The following IFIH1 variants were observed in gnomAD, a reference collection of about 807,000 sequenced individuals.
IFIH1 encodes the protein interferon induced with helicase C domain 1.
In IFIH1, 125 loss-of-function variants were observed where a neutral mutation model predicts 107.4. The ratio of observed to expected loss-of-function variants is 1.16; its 90% confidence interval spans 1.01 to 1.35. IFIH1 has a LOEUF of 1.35. IFIH1 is among the 40% of genes most tolerant of loss of function. The probability of loss-of-function intolerance (pLI) is 0.00; values close to 1 mark genes in which losing one functional copy is unlikely to be tolerated. For synonymous variants in IFIH1, 458 were observed against 413.2 expected (o/e 1.11, Z -1.31); for missense variants, 1,333 against 1,213.7 (o/e 1.10, Z -1.46).
At chr2:162,274,962 C>G (rs80139450) in intron 11 of IFIH1, among the ~76,000 whole-genome samples, 1,603 of 152,356 alleles carry the variant, frequency 0.011, 19 homozygotes, top group South Asian at 0.019. Context: ...AGAAAGGCCT[C>G]TCTTGAGTCT....
chr2:162,273,018 C>T (rs949520780), intron 12 of IFIH1, among the ~76,000 whole-genome samples: 1 of 152,182 alleles, frequency 6.6e-6, no homozygotes, highest in African/African-American at 2.4e-5. Context: ...CTAAGCTTAT[C>T]ACTGACTTAC....
At chr2:162,289,924 A>C (rs1682967125) in intron 4 of IFIH1, among the ~76,000 whole-genome samples, 1 of 151,968 alleles carries the variant, frequency 6.6e-6, no homozygotes, top group Non-Finnish European at 1.5e-5. Flanking sequence ...TATTATATTT[A>C]TGTAAGGCTC....
chr2:162,272,373 G>A lies in IFIH1; in HGVS notation c.2469C>T (p.Ala823=), dbSNP rs13418718. 0.017 allele frequency: 27,889 copies of A among 1,612,536 alleles called. 4,241 individuals carry two copies. The African/African-American group carries it at 0.33, about 19-fold the overall frequency. Residue 823 remains alanine (A), a synonymous_variant, in exon 13 of 16, where the codon GCC becomes GCT. Transcript: ENST00000649979. Reference sequence around the variant, plus strand: ...GGACGTAGGTGCTCTCATCAGCTCTGGCTCGACCACGGGCCTGAAAACACA... The same window carrying A: ...GGACGTAGGTGCTCTCATCAGCTCTAGCTCGACCACGGGCCTGAAAACACA... ...EIAMVQARGR[A]RADESTYVLV...
At position 162,267,279 on chromosome 2, in the gene IFIH1, T is replaced by C. The variant is rs1456406638; in HGVS notation, c.2999A>G (p.Tyr1000Cys). The C allele has an allele frequency of 6.2e-7, 1 of 1,612,108 alleles. No individual in the cohort carries two copies. Among genetic ancestry groups the C allele is most frequent in the Admixed American group, 1.7e-5 (1 of 59,692 alleles). ...GATAGGTAATTCTACCCACTTTTTG[T>C]ATTGTTTCTTTGTTGAATTATTTTT... ...VFKNNSTKKQ[Y>C]KKWVELPITF... is the part of the protein sequence containing the mutation. Residue 1000 changes from tyrosine to cysteine, a missense_variant, in exon 16 of 16, where the codon TAC becomes TGC. By Grantham distance (194) the Tyr-to-Cys change is radical. Transcript: ENST00000649979.
chr2:162,313,391 AATGG>A (rs1317280717), intron 1 of IFIH1, among the ~76,000 whole-genome samples: 12 of 152,204 alleles, frequency 7.9e-5, no homozygotes, highest in South Asian at 2.1e-4. Flanking sequence ...TGAAGTTAAA[AATGG>A]ATGGATGTTT....
At chr2:162,305,694 C>A (rs1206540194) in intron 3 of IFIH1, among the ~76,000 whole-genome samples, 1 of 152,200 alleles carries the variant, frequency 6.6e-6, no homozygotes, top group Non-Finnish European at 1.5e-5. Flanking sequence ...CAGGAATTTT[C>A]TGAGTTTTTA....
At position 162,291,416 on chromosome 2, in the gene IFIH1, T is replaced by C. The variant is rs180808196; in HGVS notation, c.874+2148A>G. Reference sequence around the variant, plus strand: ...ATCTTGAAATAGTAAGGAAACACTTTCTACATATCAGGCCAATATGTATTG... The same window carrying C: ...ATCTTGAAATAGTAAGGAAACACTTCCTACATATCAGGCCAATATGTATTG... On this transcript the variant is annotated intron_variant, in intron 4 of 15. Transcript: ENST00000649979. Among the ~76,000 whole-genome samples, 31 of 151,858 alleles carry C rather than the reference T, an allele frequency of 2.0e-4. No homozygotes were observed. In the East Asian group the frequency reaches 4.7e-3, roughly 23 times the overall value.
intron 3 of IFIH1, among the ~76,000 whole-genome samples, chr2:162,297,191 T>C (rs1329138231): frequency 6.6e-6 from 1 of 152,070 alleles, no homozygotes; most frequent in African/African-American, 2.4e-5. Flanking sequence ...CAAGAAAGTG[T>C]TTGCGTGAAG....
At chr2:162,278,919 GTC>G (rs1015859313) in intron 8 of IFIH1, among the ~76,000 whole-genome samples, 20 of 152,172 alleles carry the variant, frequency 1.3e-4, no homozygotes, top group Non-Finnish European at 2.2e-4. Context: ...GCAGTGTGCT[GTC>G]TCTTGATTTG....
intron 3 of IFIH1, among the ~76,000 whole-genome samples, chr2:162,296,471 G>A (rs1466592584): frequency 6.6e-6 from 1 of 152,076 alleles, no homozygotes; most frequent in East Asian, 1.9e-4. Context: ...GCGCTGAGAG[G>A]TTAACTGATA....
rs759430873 is a variant in IFIH1, at chr2:162,276,691, GT to G, written c.2299del (p.Thr767HisfsTer17). 55 of 1,609,384 alleles carry G rather than the reference GT, an allele frequency of 3.4e-5. No homozygotes were observed. Among genetic ancestry groups the G allele is most frequent in the Admixed American group, 2.4e-4 (14 of 58,864 alleles). The stretch of plus-strand genomic sequence containing the variant: ...CGTCCAAAAGGATATTTATACCTGT[GT>G]CATGGGTTTGAACTCACTGCTGTGT... ...AGHSSEFKPM[T>X]QNEQKEVISK... is the part of the protein sequence containing the mutation. On this transcript the variant is annotated frameshift_variant, in exon 11 of 16. Coordinates refer to ENST00000649979, the MANE Select transcript of IFIH1 (RefSeq NM_022168.4). LOFTEE classifies it high-confidence loss of function.
intron 7 of IFIH1, among the ~76,000 whole-genome samples, chr2:162,281,084 T>C (rs1357109585): frequency 6.6e-6 from 1 of 152,056 alleles, no homozygotes; most frequent in African/African-American, 2.4e-5. Context: ...ATTCTATTTA[T>C]CTCAACTTCC....
chr2:162,309,727 T>G (rs144598696), intron 2 of IFIH1, among the ~76,000 whole-genome samples: 2 of 152,316 alleles, frequency 1.3e-5, no homozygotes, highest in East Asian at 3.9e-4. Flanking sequence ...GCTGAGAATT[T>G]TCCAGATATT....
intron 9 of IFIH1, 144 bp downstream of exon 9, chr2:162,278,061 T>C (rs1300166074): frequency 2.5e-5 from 17 of 675,698 alleles, no homozygotes; most frequent in African/African-American, 3.7e-5. Flanking sequence ...AGAACATGTT[T>C]ATTATGCTTG....
At chr2:162,268,383 C>T (rs1690966341) in intron 13 of IFIH1, 106 bp from the exon 14 acceptor site, 1 of 673,100 alleles carries the variant, frequency 1.5e-6, no homozygotes, top group Admixed American at 2.9e-5. Flanking sequence ...GAAAATATAC[C>T]CTTAGCTTAT....
intron 3 of IFIH1, among the ~76,000 whole-genome samples, chr2:162,298,765 T>G (rs1335480554): frequency 6.6e-6 from 1 of 151,608 alleles, no homozygotes; most frequent in Non-Finnish European, 1.5e-5. Context: ...TGTATATGGA[T>G]CTACACACAC....
rs145187664 is a variant in IFIH1 at position 162,268,110 on chromosome 2, G to C, written c.2784C>G (p.His928Gln). 1 of 1,606,744 alleles carries C rather than the reference G, an allele frequency of 6.2e-7. No homozygotes were observed. The change falls in exon 14 of 16, where the codon CAC (histidine) becomes CAG (glutamine). Residue 928 changes from histidine (H) to glutamine (Q), a missense_variant. Transcript: ENST00000649979. ...ACTTGAATTCTGGGGTCATATTGAC[G>C]TGATGCATTTTCTCAATTACATGGA... The part of the protein sequence containing the change: ...EDIHVIEKMH[H>Q]VNMTPEFKEL...
chr2:162,273,381 C>A (rs1691083267), intron 12 of IFIH1, among the ~76,000 whole-genome samples: 2 of 152,082 alleles, frequency 1.3e-5, no homozygotes, highest in Admixed American at 1.3e-4. Context: ...GAAGAAAATG[C>A]AGAAACAGCA....
chr2:162,296,027 TACTA>T (rs1683079800), intron 3 of IFIH1, among the ~76,000 whole-genome samples: 1 of 152,006 alleles, frequency 6.6e-6, no homozygotes, highest in African/African-American at 2.4e-5. Flanking sequence ...ACTGAAAAAA[TACTA>T]ACAAATATCT....
Sources: allele counts gnomAD v4.1 joint callset (sites outside exome capture counted in the v4.1 genomes callset), GRCh38; gene constraint gnomAD v4.1.1; transcripts MANE v1.5; gene names NCBI Gene and HGNC (gene_info 2026-07-23, HGNC 2026-07-21).